The following APOM variants were observed in gnomAD, a reference collection of about 807,000 sequenced individuals.
APOM encodes the protein NG20-like protein.
APOM carries 24 observed loss-of-function variants against 23.5 expected under a neutral mutation model. That is an observed-to-expected ratio of 1.02 (90% CI 0.74 to 1.44). The LOEUF (loss-of-function observed/expected upper bound fraction) is 1.44, where lower values mean the gene tolerates loss of function less well. APOM is among the 40% of genes most tolerant of loss of function. The probability of loss-of-function intolerance (pLI) is 0.00; values close to 1 mark genes in which losing one functional copy is unlikely to be tolerated. For missense variants in APOM, 200 were observed against 233.2 expected (o/e 0.86, Z 0.93); for synonymous variants, 82 against 84.1 (o/e 0.97, Z 0.14).
upstream of APOM, chr6:31,652,579 G>A (rs1311462278): frequency 6.6e-6 from 1 of 152,374 alleles, no homozygotes; most frequent in Non-Finnish European, 1.5e-5. Flanking sequence ...AGTCGGGCCG[G>A]GGCCGGCCTA....
rs757585801 is a variant in APOM, at chr6:31,658,086, C to T, written c.564C>T (p.Asn188=). The T allele has an allele frequency of 6.2e-7, 1 of 1,614,140 alleles. No homozygotes were observed. Among genetic ancestry groups the T allele is most frequent in the Admixed American group, 1.7e-5 (1 of 60,028 alleles). ...RNQEACELSN[N] is the part of the protein sequence containing the mutation. ...CAGAGGCCTGTGAGCTGTCCAATAA[C>T]TGACCTGTAACTTCATCTAAGTCCC... Residue 188 remains asparagine (N), a synonymous_variant, in exon 6 of 6, where the codon AAC becomes AAT. Coordinates refer to ENST00000375916, the MANE Select transcript of APOM (RefSeq NM_019101.3).
rs1232206356 is a variant in APOM, at chr6:31,657,655, T to C, written c.473T>C (p.Val158Ala). The C allele has an allele frequency of 1.2e-6, 2 of 1,613,136 alleles. No individual in the cohort carries two copies. The highest frequency in any genetic ancestry group is 2.7e-5 in the African/African-American group (2 of 75,026). Residue 158 changes from valine (V) to alanine (A), a missense_variant, in exon 5 of 6, where the codon GTG becomes GCG. Physicochemically the swap from Val to Ala is moderately conservative, Grantham distance 64. Coordinates refer to ENST00000375916, the MANE Select transcript of APOM (RefSeq NM_019101.3). The part of the protein sequence containing the change: ...NRSPHPPEKC[V>A]EEFKSLTSCL... ...TCACCACATCCTCCCGAAAAGTGTG[T>C]GGAGGAATTCAAGTCCCTGACTTCC... is the stretch of plus-strand genomic sequence containing the variant.
upstream of APOM, chr6:31,655,857 G>C: frequency 2.9e-6 from 2 of 689,298 alleles, no homozygotes; most frequent in Admixed American, 4.9e-5. Flanking sequence ...ATTAGCAGGT[G>C]AAAGGGTCAA....
upstream of APOM, chr6:31,655,751 G>C (rs1234597440): frequency 1.9e-6 from 1 of 529,318 alleles, no homozygotes; most frequent in African/African-American, 1.9e-5. Flanking sequence ...GACATGCCAG[G>C]GTGTACTATG....
intron 4 of APOM, 46 bp from the exon 5 acceptor site, chr6:31,657,579 T>G (rs1452956384): frequency 6.3e-7 from 1 of 1,593,714 alleles, no homozygotes; most frequent in Non-Finnish European, 8.6e-7. Context: ...AAGAGCTAGG[T>G]GCTTCCAGGG....
rs755241335 is a variant in APOM at position 31,656,016 on chromosome 6, T to A, written c.50T>A (p.Leu17His). ...CTGCTCTACTTCTATGGTATTATCCTTAACTCCATCTACCAGTGCCCTGAG... is the reference window on the plus strand; with the variant it reads ...CTGCTCTACTTCTATGGTATTATCCATAACTCCATCTACCAGTGCCCTGAG... ...AALLYFYGII[L>H]NSIYQCPEHS... The change falls in exon 1 of 6, where the codon CTT becomes CAT. Residue 17 changes from leucine to histidine, a missense_variant. Leu to His is a moderately conservative substitution (Grantham distance 99, BLOSUM62 -3). Coordinates refer to ENST00000375916, the MANE Select transcript of APOM (RefSeq NM_019101.3). The A allele has an allele frequency of 1.3e-6, 2 of 1,599,714 alleles. No homozygotes were observed. Among genetic ancestry groups the A allele is most frequent in the Non-Finnish European group, 1.7e-6 (2 of 1,173,182 alleles).
chr6:31,655,020 C>G (rs1799887131), upstream of APOM, among the ~76,000 whole-genome samples: 1 of 152,220 alleles, frequency 6.6e-6, no homozygotes, highest in Admixed American at 6.5e-5. Context: ...GGGCTCATTG[C>G]AGCCTCGACA....
chr6:31,656,873 G>A (rs1165441956), intron 2 of APOM, among the ~76,000 whole-genome samples: 3 of 152,190 alleles, frequency 2.0e-5, no homozygotes, highest in Non-Finnish European at 4.4e-5. Flanking sequence ...CAGGCCAGAC[G>A]TGGTGGCTCA....
In APOM at chr6:31,657,817, A is replaced by T. The variant is rs778321714; in HGVS notation, c.541+94A>T. Reference sequence around the variant, plus strand: ...AGGCTCGTGTGATGTCACCAGAGGGATGTGGCTAAGAGCTGTGATGTCACC... The same window carrying T: ...AGGCTCGTGTGATGTCACCAGAGGGTTGTGGCTAAGAGCTGTGATGTCACC... On this transcript the variant is annotated intron_variant, in intron 5 of 5. Coordinates refer to ENST00000375916, the MANE Select transcript of APOM (RefSeq NM_019101.3). The T allele has an allele frequency of 3.3e-6, 4 of 1,216,396 alleles. No individual in the cohort carries two copies. In the South Asian group the frequency reaches 4.8e-5, roughly 15 times the overall value. The allele number at this position is 1,216,396 out of a possible 1,614,324, so 75.4% of individuals were successfully genotyped here. A position where few individuals can be genotyped will look rare whatever the true frequency, so the allele number is the denominator to read the frequency against.
At chr6:31,654,511 A>C (rs1799792491), upstream of APOM, among the ~76,000 whole-genome samples, 1 of 152,174 alleles carries the variant, frequency 6.6e-6, no homozygotes, top group African/African-American at 2.4e-5. Flanking sequence ...CAACATGGTG[A>C]AACTCCGTGT....
upstream of APOM, among the ~76,000 whole-genome samples, chr6:31,653,245 G>C (rs1194847540): frequency 6.6e-6 from 1 of 152,216 alleles, no homozygotes; most frequent in Non-Finnish European, 1.5e-5. Context: ...TGGACAGAAA[G>C]ACAAGACCCT....
chr6:31,652,951 A>C (rs1798901168), upstream of APOM, among the ~76,000 whole-genome samples: 1 of 151,822 alleles, frequency 6.6e-6, no homozygotes, highest in Non-Finnish European at 1.5e-5. Flanking sequence ...ACTCTTCTCC[A>C]CCCTATTGCC....
At chr6:31,654,096 T>C (rs1329936662), upstream of APOM, among the ~76,000 whole-genome samples, 2 of 151,778 alleles carry the variant, frequency 1.3e-5, no homozygotes, top group African/African-American at 4.8e-5. Context: ...AATACAAAAA[T>C]TAGCCTGGCG....
At chr6:31,656,430 G>A (rs1310822325) in intron 1 of APOM, 42 bp from the exon 2 acceptor site, 3 of 1,603,528 alleles carry the variant, frequency 1.9e-6, no homozygotes, top group Non-Finnish European at 2.6e-6. Context: ...CCCATCCTGT[G>A]CTGGAACCCA....
At position 31,656,526 on chromosome 6, in the gene APOM, AAGG is replaced by A. The variant is rs1382845601; in HGVS notation, c.175_177del (p.Glu59del). ...CTTTATCGCAGGGGCAGCTCCCACCAAGGAGGAGTTGGCAACTTTTGACCCTGT... is the reference window on the plus strand; with the variant it reads ...CTTTATCGCAGGGGCAGCTCCCACCAAGGAGTTGGCAACTTTTGACCCTGT... On this transcript the variant is annotated inframe_deletion, in exon 2 of 6. Coordinates refer to ENST00000375916, the MANE Select transcript of APOM (RefSeq NM_019101.3). The A allele has an allele frequency of 6.2e-7, 1 of 1,614,034 alleles. No individual in the cohort carries two copies. The highest frequency in any genetic ancestry group is 8.5e-7 in the Non-Finnish European group (1 of 1,180,008).
chr6:31,655,923 G>C lies in APOM; in HGVS notation c.-44G>C. The C allele has an allele frequency of 7.4e-7, 1 of 1,354,592 alleles. No individual in the cohort carries two copies. Among genetic ancestry groups the C allele is most frequent in the East Asian group, 2.4e-5 (1 of 40,830 alleles). 83.9% of individuals were successfully genotyped at this position (1,354,592 alleles called of 1,614,324 possible). A position where few individuals can be genotyped will look rare whatever the true frequency, so the allele number is the denominator to read the frequency against. ...TGGACTGAGCAGCCAGTAGGGGAGA[G>C]AGCAGTTAAGGCACACAGAGCACCA... On this transcript the variant is annotated 5_prime_UTR_variant, in exon 1 of 6. Transcript: ENST00000375916.
At chr6:31,655,830 C>G, upstream of APOM, 2 of 619,626 alleles carry the variant, frequency 3.2e-6, no homozygotes, top group Non-Finnish European at 5.8e-6. Flanking sequence ...GGTTGGAAAA[C>G]AAGGTTGAAG....
chr6:31,653,022 G>A (rs1798956144), upstream of APOM, among the ~76,000 whole-genome samples: 1 of 152,094 alleles, frequency 6.6e-6, no homozygotes, highest in Non-Finnish European at 1.5e-5. Flanking sequence ...GTTTGGGGGC[G>A]GCACTGGTCA....
chr6:31,657,139 C>CT (rs1338604847), intron 2 of APOM, 86 bp from the exon 3 acceptor site: 1 of 1,312,606 alleles, frequency 7.6e-7, no homozygotes, highest in Non-Finnish European at 1.1e-6. Context: ...GAGTGAGACT[C>CT]TGTCTCAAAA....
Sources: allele counts gnomAD v4.1 joint callset (sites outside exome capture counted in the v4.1 genomes callset), GRCh38; gene constraint gnomAD v4.1.1; transcripts MANE v1.5; gene names NCBI Gene and HGNC (gene_info 2026-07-23, HGNC 2026-07-21).